Variants in BCAS3 observed in about 807,000 individuals in gnomAD.
The protein encoded by BCAS3 is BCAS3 microtubule associated cell migration factor.
BCAS3 carries 53 observed loss-of-function variants against 116.1 expected under a neutral mutation model. The observed-to-expected ratio is 0.46, with a 90% CI of 0.37 to 0.57. The LOEUF (loss-of-function observed/expected upper bound fraction) is 0.57. Among genes scored for constraint, BCAS3 ranks in the 20% least tolerant of loss-of-function variants. The pLI is 0.00. For missense variants in BCAS3, 917 were observed against 1,165.4 expected (o/e 0.79, Z 3.10); for synonymous variants, 391 against 408.2 (o/e 0.96, Z 0.51).
intron 12 of BCAS3, among the ~76,000 whole-genome samples, chr17:60,919,628 C>G (rs1431025399): frequency 1.3e-5 from 2 of 151,348 alleles, no homozygotes; most frequent in Non-Finnish European, 2.9e-5. Context: ...CGGCCCACTT[C>G]TAATTTTTAA....
chr17:61,046,023 T>A (rs1425350153), intron 19 of BCAS3, among the ~76,000 whole-genome samples: 4 of 11,430 alleles, frequency 3.5e-4, no homozygotes, highest in African/African-American at 8.4e-4. Flanking sequence ...TATATATATA[T>A]TATATATATA....
chr17:60,683,929 A>G, intron 2 of BCAS3, 53 bp from the exon 3 acceptor site: 2 of 1,432,868 alleles, frequency 1.4e-6, no homozygotes, highest in Non-Finnish European at 1.9e-6. Flanking sequence ...AGCTTTTTTC[A>G]TGTTCTATAT....
Position 61,249,295 on chromosome 17 carries a change from A to C in BCAS3, c.2426-119032A>C, listed in dbSNP as rs2048195773. On this transcript the variant is annotated intron_variant, in intron 22 of 23. Transcript: ENST00000407086. The surrounding 1 kb of genome is among the most constrained non-coding windows in gnomAD (Gnocchi z 6.2). ...AGAGTGAAACTCCATCTCAAAAATAAATAAATAAAATAAAATAGAAACTTG... is the reference window on the plus strand; with the variant it reads ...AGAGTGAAACTCCATCTCAAAAATACATAAATAAAATAAAATAGAAACTTG... Among the ~76,000 whole-genome samples, 1 of 152,220 alleles carries C rather than the reference A, an allele frequency of 6.6e-6. No homozygotes were observed.
chr17:60,716,414 A>G (rs1488526485), intron 5 of BCAS3, among the ~76,000 whole-genome samples: 1 of 152,228 alleles, frequency 6.6e-6, no homozygotes, highest in African/African-American at 2.4e-5. Context: ...AGGCTCTGAG[A>G]TGAAAGCATT....
chr17:61,207,009 G>A (rs149431303), intron 22 of BCAS3, among the ~76,000 whole-genome samples: 2 of 151,804 alleles, frequency 1.3e-5, no homozygotes, highest in East Asian at 1.9e-4. Flanking sequence ...GAAGTGACAC[G>A]TAAGCTACAA....
intron 19 of BCAS3, among the ~76,000 whole-genome samples, chr17:61,047,193 A>T (rs993348502): frequency 6.6e-6 from 1 of 151,956 alleles, no homozygotes; most frequent in African/African-American, 2.4e-5. Context: ...TTTTATTTTT[A>T]TTGAAGAATT....
intron 14 of BCAS3, among the ~76,000 whole-genome samples, chr17:60,949,096 T>G (rs1165739934): frequency 6.6e-6 from 1 of 151,966 alleles, no homozygotes; most frequent in Non-Finnish European, 1.5e-5. Flanking sequence ...AGGCTGGTCT[T>G]GAACTCCTGA....
chr17:61,100,347 C>T (rs2074246609), intron 22 of BCAS3, among the ~76,000 whole-genome samples: 1 of 152,190 alleles, frequency 6.6e-6, no homozygotes, highest in African/African-American at 2.4e-5. Flanking sequence ...GTCAGTACCT[C>T]AAATTAGAGT....
chr17:60,787,104 ATAT>A (rs1382387935), intron 6 of BCAS3, among the ~76,000 whole-genome samples: 1 of 152,158 alleles, frequency 6.6e-6, no homozygotes, highest in East Asian at 1.9e-4. Flanking sequence ...CAAACAGTTT[ATAT>A]TATTTGCCAC....
intron 22 of BCAS3, among the ~76,000 whole-genome samples, chr17:61,272,396 G>C (rs531785900): frequency 6.6e-6 from 1 of 152,072 alleles, no homozygotes; most frequent in East Asian, 1.9e-4. Flanking sequence ...ACTTTGGGAG[G>C]CTGAGGCGGG....
chr17:60,775,533 T>C (rs965047403), intron 6 of BCAS3, among the ~76,000 whole-genome samples: 22 of 150,182 alleles, frequency 1.5e-4, no homozygotes, highest in African/African-American at 5.1e-4. Context: ...TACTGTACTT[T>C]GCAGTTTTTA....
In BCAS3 at chr17:61,188,730, G is replaced by A. The variant is rs1018424043; in HGVS notation, c.2425+104166G>A. ...GGTATAAAGGAGAAGAAAGTAAAGT[G>A]TATACATACAAATTTTAAATATGTT... On this transcript the variant is annotated intron_variant, in intron 22 of 23. Transcript: ENST00000407086. This position sits in a 1 kb window ranked among gnomAD's most constrained non-coding sequence, Gnocchi z 4.0. Among the ~76,000 whole-genome samples, 12 of 152,310 alleles carry A rather than the reference G, an allele frequency of 7.9e-5. No individual in the cohort carries two copies. Among genetic ancestry groups the A allele is most frequent in the Admixed American group, 2.0e-4 (3 of 15,296 alleles).
rs933421836 is a variant in BCAS3 at position 60,993,494 on chromosome 17, A to C, written c.1486+3259A>C. Reference sequence around the variant, plus strand: ...CTCCTGATAGATAACACGTGTTAAAATTTTATTTCCAGAATTTCCGTCTAT... The same window carrying C: ...CTCCTGATAGATAACACGTGTTAAACTTTTATTTCCAGAATTTCCGTCTAT... On this transcript the variant is annotated intron_variant, in intron 15 of 23. Transcript: ENST00000407086. The surrounding 1 kb of genome is among the most constrained non-coding windows in gnomAD (Gnocchi z 4.2). Among the ~76,000 whole-genome samples the C allele has an allele frequency of 6.6e-6, 1 of 152,122 alleles. No homozygotes were observed. The highest frequency in any genetic ancestry group is 1.5e-5 in the Non-Finnish European group (1 of 67,998).
intron 22 of BCAS3, among the ~76,000 whole-genome samples, chr17:61,111,134 G>GA (rs1568375661): frequency 6.6e-6 from 1 of 151,432 alleles, no homozygotes; most frequent in African/African-American, 2.4e-5. Flanking sequence ...CAAAGATGGG[G>GA]AAAAAACAGA....
At chr17:60,974,418 A>G (rs538860633) in intron 14 of BCAS3, among the ~76,000 whole-genome samples, 73 of 152,300 alleles carry the variant, frequency 4.8e-4, no homozygotes, top group Middle Eastern at 3.4e-3. Context: ...TAGAAATTTT[A>G]TGTTCCATGT....
At position 60,757,056 on chromosome 17, in the gene BCAS3, G is replaced by C. The variant is rs547759737; in HGVS notation, c.403+9777G>C. ...CGCGTGCCTGTAGTCGCAGCTACTC[G>C]GGAGGCTGAGGCAGCTGAATCCCTT... On this transcript the variant is annotated intron_variant, in intron 6 of 23. Transcript: ENST00000407086. Among the ~76,000 whole-genome samples the C allele has an allele frequency of 2.6e-5, 4 of 152,124 alleles. No individual in the cohort carries two copies. In the East Asian group the frequency reaches 7.7e-4, roughly 29 times the overall value.
Position 61,364,105 on chromosome 17 carries a change from G to A in BCAS3, c.2426-4222G>A, listed in dbSNP as rs764904752. 2.0e-5 allele frequency among the ~76,000 whole-genome samples: 3 copies of A among 152,224 alleles called. No homozygotes were observed. Among genetic ancestry groups the A allele is most frequent in the Admixed American group, 6.5e-5 (1 of 15,282 alleles). On this transcript the variant is annotated intron_variant, in intron 22 of 23. Transcript: ENST00000407086. This position sits in a 1 kb window ranked among gnomAD's most constrained non-coding sequence, Gnocchi z 5.4. ...TCTGATGGGACTCCTAGCAGGATAA[G>A]CAGGACCACTGATTGTATCCTCTCT...
At chr17:61,108,277 C>A (rs982500714) in intron 22 of BCAS3, among the ~76,000 whole-genome samples, 1 of 152,066 alleles carries the variant, frequency 6.6e-6, no homozygotes, top group East Asian at 1.9e-4. Context: ...CTTTTTCTAA[C>A]ATTTTAGTTT....
chr17:60,917,023 G>C (rs2058813752), intron 12 of BCAS3, among the ~76,000 whole-genome samples: 1 of 152,070 alleles, frequency 6.6e-6, no homozygotes, highest in Non-Finnish European at 1.5e-5. Flanking sequence ...ATGTTAAACA[G>C]AGTTATATGA....
Sources: gnomAD v4.1 joint callset for allele counts (sites outside exome capture counted in the v4.1 genomes callset) on GRCh38, gnomAD v4.1.1 for gene constraint, Gnocchi (gnomAD v3.1) non-coding constraint, MANE v1.5 for transcripts, NCBI Gene and HGNC (gene_info 2026-07-23, HGNC 2026-07-21) for gene names.